The following SYTL3 variants were observed in gnomAD, a reference collection of about 807,000 sequenced individuals.
SYTL3 encodes the protein synaptotagmin like 3.
Under a neutral mutation model 82.1 loss-of-function variants are expected in SYTL3, and 88 were observed. That is an observed-to-expected ratio of 1.07 (90% CI 0.90 to 1.28). The LOEUF is 1.28. Among genes scored for constraint, SYTL3 ranks in the 50% most tolerant of loss-of-function variants. SYTL3 has a pLI of 0.00. For missense variants in SYTL3, 831 were observed against 757.6 expected (o/e 1.10, Z -1.14); for synonymous variants, 311 against 289.4 (o/e 1.07, Z -0.76).
chr6:158,722,762 GTTT>G (rs34189391), intron 10 of SYTL3, among the ~76,000 whole-genome samples: 3,628 of 80,778 alleles, frequency 0.045, 254 homozygotes, highest in African/African-American at 0.17. Context: ...TCTCTTTTCT[GTTT>G]TTTTTTTTTT....
At chr6:158,667,797 C>T (rs1790262643) in intron 5 of SYTL3, among the ~76,000 whole-genome samples, 1 of 152,168 alleles carries the variant, frequency 6.6e-6, no homozygotes, top group South Asian at 2.1e-4. Context: ...GAACAAGAGG[C>T]CTGTGGCAGG....
intron 17 of SYTL3, 136 bp from the exon 18 acceptor site, chr6:158,764,359 G>A (rs551871752): frequency 5.9e-5 from 37 of 630,246 alleles, no homozygotes; most frequent in South Asian, 1.3e-4. Flanking sequence ...TGGTGGCGGC[G>A]TCTGTCATCA....
chr6:158,746,440 TATA>T (rs367907028), intron 12 of SYTL3, among the ~76,000 whole-genome samples: 86 of 145,596 alleles, frequency 5.9e-4, no homozygotes, highest in Non-Finnish European at 1.0e-3. Context: ...GTAGCACCAT[TATA>T]ATAATAATAA....
At chr6:158,733,606 C>T (rs151101266) in intron 11 of SYTL3, among the ~76,000 whole-genome samples, 6,505 of 151,766 alleles carry the variant, frequency 0.043, 158 homozygotes, top group African/African-American at 0.066. Flanking sequence ...GGATGACAGG[C>T]GTGAGCCACC....
intron 15 of SYTL3, among the ~76,000 whole-genome samples, chr6:158,761,320 T>TTTTTTTTTA (rs1789907735): frequency 2.0e-5 from 3 of 147,038 alleles, no homozygotes; most frequent in Non-Finnish European, 3.0e-5. Context: ...TTTTTTTTTT[T>TTTTTTTTTA]GAGACAGAGT....
At chr6:158,692,119 G>A (rs1297338632) in intron 6 of SYTL3, among the ~76,000 whole-genome samples, 2 of 148,194 alleles carry the variant, frequency 1.3e-5, no homozygotes, top group Non-Finnish European at 3.0e-5. Flanking sequence ...TTAGCCGGGC[G>A]TGGTGGCGGG....
At chr6:158,738,156 A>G (rs776070661) in intron 11 of SYTL3, among the ~76,000 whole-genome samples, 3 of 152,190 alleles carry the variant, frequency 2.0e-5, no homozygotes, top group Non-Finnish European at 4.4e-5. Flanking sequence ...TCACGCCTGC[A>G]TGCTGGAGAT....
At chr6:158,758,257 A>G (rs575514848) in intron 14 of SYTL3, among the ~76,000 whole-genome samples, 1 of 152,164 alleles carries the variant, frequency 6.6e-6, no homozygotes, top group African/African-American at 2.4e-5. Flanking sequence ...TGGCTAACAC[A>G]GTGAAACCCC....
intron 6 of SYTL3, among the ~76,000 whole-genome samples, chr6:158,691,633 T>A (rs1160041798): frequency 6.6e-6 from 1 of 151,908 alleles, no homozygotes; most frequent in Non-Finnish European, 1.5e-5. Flanking sequence ...AGCAGAAAGA[T>A]GACAATATTA....
intron 13 of SYTL3, among the ~76,000 whole-genome samples, chr6:158,753,746 AT>A: frequency 6.6e-6 from 1 of 151,270 alleles, no homozygotes; most frequent in Non-Finnish European, 1.5e-5. Flanking sequence ...AAAAAAAAAA[AT>A]GTAGTTATAT....
At chr6:158,679,722 G>A (rs913367057) in intron 5 of SYTL3, among the ~76,000 whole-genome samples, 2 of 152,204 alleles carry the variant, frequency 1.3e-5, no homozygotes, top group Non-Finnish European at 2.9e-5. Context: ...TTCGCGCTGG[G>A]TGACTAGGAT....
intron 4 of SYTL3, chr6:158,663,733 A>T: frequency 2.3e-6 from 1 of 443,434 alleles, no homozygotes; most frequent in Non-Finnish European, 3.0e-6. Context: ...AAAGACCTCC[A>T]GTTAAGGGTT....
At chr6:158,730,956 G>A (rs965132721) in intron 11 of SYTL3, among the ~76,000 whole-genome samples, 3 of 152,150 alleles carry the variant, frequency 2.0e-5, no homozygotes, top group African/African-American at 7.2e-5. Context: ...CCCATTAGGG[G>A]GGAGATTAAA....
intron 6 of SYTL3, among the ~76,000 whole-genome samples, chr6:158,688,580 T>C (rs550984872): frequency 6.6e-6 from 1 of 152,286 alleles, no homozygotes; most frequent in South Asian, 2.1e-4. Flanking sequence ...CTGGGCAGCA[T>C]AGTGAGATCC....
intron 6 of SYTL3, 135 bp from the exon 7 acceptor site, chr6:158,707,095 C>T: frequency 1.1e-6 from 1 of 898,168 alleles, no homozygotes; most frequent in Non-Finnish European, 1.7e-6. Context: ...ATTTCTATCA[C>T]CTCAAAATGA....
intron 10 of SYTL3, among the ~76,000 whole-genome samples, chr6:158,720,992 A>G (rs979728793): frequency 2.0e-5 from 3 of 152,188 alleles, no homozygotes; most frequent in African/African-American, 7.2e-5. Flanking sequence ...CTGCATGTGC[A>G]CATGGCCCAG....
In SYTL3 at chr6:158,764,647, C is replaced by T. The variant is rs370098921; in HGVS notation, c.*43C>T. 2.2e-5 allele frequency: 32 copies of T among 1,427,388 alleles called. No homozygotes were observed. In the African/African-American group the frequency reaches 4.1e-4, roughly 18 times the overall value. The allele number at this position is 1,427,388 out of a possible 1,614,324, so 88.4% of individuals were successfully genotyped here. On this transcript the variant is annotated 3_prime_UTR_variant, in exon 18 of 18. Transcript: ENST00000611299. ...TCCAGGTTGCAGCAGGCGTGAGGCA[C>T]TGTGCGTCTGCAGAGGGGCTACGAA...
intron 11 of SYTL3, among the ~76,000 whole-genome samples, chr6:158,744,148 C>T (rs1193984563): frequency 1.3e-5 from 2 of 151,168 alleles, no homozygotes; most frequent in Non-Finnish European, 3.0e-5. Context: ...AACTCCTGAC[C>T]TCCAGTGATC....
chr6:158,702,175 A>T (rs1781382157), intron 6 of SYTL3, among the ~76,000 whole-genome samples: 1 of 151,682 alleles, frequency 6.6e-6, no homozygotes. Context: ...GTAGAAAAAA[A>T]ATTAGCTGGG....
Sources: gnomAD v4.1 joint callset for allele counts (sites outside exome capture counted in the v4.1 genomes callset) on GRCh38, gnomAD v4.1.1 for gene constraint, MANE v1.5 for transcripts, NCBI Gene and HGNC (gene_info 2026-07-23, HGNC 2026-07-21) for gene names.